HPSE2: variants seen among roughly 807,000 people sequenced by gnomAD.
HPSE2 encodes the protein heparanase 2 (inactive), also known as inactive heparanase-2.
HPSE2 carries 38 observed loss-of-function variants against 60.5 expected under a neutral mutation model. The observed-to-expected ratio is 0.63, with a 90% CI of 0.48 to 0.82. The LOEUF (loss-of-function observed/expected upper bound fraction) is 0.82. Among genes scored for constraint, HPSE2 ranks in the 40% least tolerant of loss-of-function variants. HPSE2 has a pLI of 0.00. For synonymous variants in HPSE2, 295 were observed against 293.2 expected (o/e 1.01, Z -0.06); for missense variants, 713 against 740.4 (o/e 0.96, Z 0.43).
At chr10:98,515,163 TC>T (rs1044264760) in intron 9 of HPSE2, among the ~76,000 whole-genome samples, 19 of 152,282 alleles carry the variant, frequency 1.2e-4, no homozygotes, top group African/African-American at 4.1e-4. Context: ...GGTGATTTAT[TC>T]CATGGAGTGG....
At chr10:98,724,158 T>C (rs977349473) in intron 4 of HPSE2, among the ~76,000 whole-genome samples, 35 of 152,294 alleles carry the variant, frequency 2.3e-4, no homozygotes, top group African/African-American at 2.9e-4. Flanking sequence ...GATTCTGGTA[T>C]GTTGTGTCTT....
intron 2 of HPSE2, among the ~76,000 whole-genome samples, chr10:99,205,701 TA>T (rs1848723550): frequency 6.6e-6 from 1 of 152,070 alleles, no homozygotes; most frequent in Non-Finnish European, 1.5e-5. Flanking sequence ...AAAAGAAATG[TA>T]AAAAGATATA....
At chr10:98,469,531 T>C (rs1455351878) in intron 11 of HPSE2, among the ~76,000 whole-genome samples, 4 of 152,196 alleles carry the variant, frequency 2.6e-5, no homozygotes, top group Non-Finnish European at 5.9e-5. Context: ...TTACTCCTTG[T>C]CTTCTAAGAA....
chr10:99,281,354 G>A, the HPSE2 span, among the ~76,000 whole-genome samples: 295 of 38,490 alleles, frequency 7.7e-3, 6 homozygotes, highest in Non-Finnish European at 2.1e-3. Flanking sequence ...GTGTTATATC[G>A]AGAGATTCAC....
chr10:98,593,106 A>G (rs1945134973), intron 9 of HPSE2, among the ~76,000 whole-genome samples: 1 of 152,240 alleles, frequency 6.6e-6, no homozygotes, highest in South Asian at 2.1e-4. Flanking sequence ...ATAAGTCATA[A>G]TATTTCCTGC....
chr10:99,059,531 T>C (rs1223250629), intron 3 of HPSE2, among the ~76,000 whole-genome samples: 2 of 152,200 alleles, frequency 1.3e-5, no homozygotes, highest in Non-Finnish European at 2.9e-5. Flanking sequence ...AGTGTTTATT[T>C]TGGTATTAAT....
chr10:98,703,409 G>A (rs927274103), intron 5 of HPSE2, among the ~76,000 whole-genome samples: 1 of 152,046 alleles, frequency 6.6e-6, no homozygotes, highest in African/African-American at 2.4e-5. Flanking sequence ...TGAAAAGGAG[G>A]GACTCCTCCC....
At chr10:98,492,734 A>C (rs1206133383) in intron 9 of HPSE2, among the ~76,000 whole-genome samples, 1 of 152,210 alleles carries the variant, frequency 6.6e-6, no homozygotes, top group African/African-American at 2.4e-5. Context: ...AACTCTAAAG[A>C]TGTTTGGGAT....
At chr10:99,202,858 G>A (rs1448816088) in intron 2 of HPSE2, among the ~76,000 whole-genome samples, 1 of 152,062 alleles carries the variant, frequency 6.6e-6, no homozygotes, top group Admixed American at 6.5e-5. Context: ...AAGACATACT[G>A]AAGAGAATAA....
chr10:98,669,866 C>T (rs367668834), intron 6 of HPSE2, among the ~76,000 whole-genome samples: 5 of 152,050 alleles, frequency 3.3e-5, no homozygotes, highest in South Asian at 4.1e-4. Flanking sequence ...TGCACAGGTG[C>T]CCCCTGAATC....
intron 3 of HPSE2, among the ~76,000 whole-genome samples, chr10:99,015,858 T>C (rs1218383216): frequency 6.6e-6 from 1 of 152,202 alleles, no homozygotes; most frequent in Non-Finnish European, 1.5e-5. Context: ...AAAAAGTTTC[T>C]GTTCACTTCC....
chr10:98,529,959 C>T (rs888213184), intron 9 of HPSE2, among the ~76,000 whole-genome samples: 3 of 152,116 alleles, frequency 2.0e-5, no homozygotes, highest in Admixed American at 6.6e-5. Context: ...AGGTTTATGC[C>T]ACACCTAAAT....
At chr10:98,982,971 A>C (rs1017907636) in intron 3 of HPSE2, among the ~76,000 whole-genome samples, 3 of 152,176 alleles carry the variant, frequency 2.0e-5, no homozygotes, top group African/African-American at 7.2e-5. Flanking sequence ...AAGGTAGGTC[A>C]TACAAATTCT....
chr10:99,071,271 T>C (rs1251421880), intron 3 of HPSE2, among the ~76,000 whole-genome samples: 1 of 152,102 alleles, frequency 6.6e-6, no homozygotes, highest in Non-Finnish European at 1.5e-5. Context: ...GGTTTCGCCA[T>C]GTTGGCCAGG....
At chr10:98,751,721 C>G (rs1311323901) in intron 3 of HPSE2, among the ~76,000 whole-genome samples, 1 of 152,194 alleles carries the variant, frequency 6.6e-6, no homozygotes, top group East Asian at 1.9e-4. Context: ...GAACTCAACG[C>G]TTTGATGTCA....
chr10:98,748,317 A>G (rs1949675333), intron 3 of HPSE2, among the ~76,000 whole-genome samples: 1 of 152,164 alleles, frequency 6.6e-6, no homozygotes, highest in Non-Finnish European at 1.5e-5. Flanking sequence ...AAAAATAATA[A>G]TTATTGCTAA....
intron 3 of HPSE2, among the ~76,000 whole-genome samples, chr10:98,807,550 G>T (rs1951071085): frequency 6.6e-6 from 1 of 152,162 alleles, no homozygotes; most frequent in South Asian, 2.1e-4. Context: ...ATAAATGTTA[G>T]CTCACTTGCT....
chr10:98,505,792 T>C (rs964024444), intron 9 of HPSE2, among the ~76,000 whole-genome samples: 2 of 152,194 alleles, frequency 1.3e-5, no homozygotes, highest in African/African-American at 4.8e-5. Flanking sequence ...CTCTCCTTTC[T>C]TTAGTGATCT....
At position 99,000,201 on chromosome 10, in the gene HPSE2, T is replaced by C. The variant is rs531173738; in HGVS notation, c.610+144037A>G. On this transcript the variant is annotated intron_variant, in intron 3 of 11. Coordinates refer to ENST00000370552, the MANE Select transcript of HPSE2 (RefSeq NM_021828.5). ...AACAAGAGAAAGTGTGTATTAACTGTCACTCAAATGTCAGACCCAGACAAC... is the reference window on the plus strand; with the variant it reads ...AACAAGAGAAAGTGTGTATTAACTGCCACTCAAATGTCAGACCCAGACAAC... Among the ~76,000 whole-genome samples the C allele has an allele frequency of 8.7e-4, 132 of 152,250 alleles. 1 individual carries two copies. The highest frequency in any genetic ancestry group is 3.0e-3 in the African/African-American group (125 of 41,572).
Sources: gnomAD v4.1 joint callset for allele counts (sites outside exome capture counted in the v4.1 genomes callset) on GRCh38, gnomAD v4.1.1 for gene constraint, MANE v1.5 for transcripts, NCBI Gene and HGNC (gene_info 2026-07-23, HGNC 2026-07-21) for gene names.